The following SPPL2B variants were observed in gnomAD, a reference collection of about 807,000 sequenced individuals.
SPPL2B encodes signal peptide peptidase like 2B.
Under a neutral mutation model 59.7 loss-of-function variants are expected in SPPL2B, and 39 were observed. The ratio of observed to expected loss-of-function variants is 0.65; its 90% CI spans 0.51 to 0.85. The LOEUF (loss-of-function observed/expected upper bound fraction) is 0.85. SPPL2B is among the 40% of genes least tolerant of loss of function. SPPL2B has a pLI of 0.00. For synonymous variants in SPPL2B, 419 were observed against 370.8 expected (o/e 1.13, Z -1.49); for missense variants, 865 against 849.0 (o/e 1.02, Z -0.23).
chr19:2,350,651 C>G (rs777747892), intron 13 of SPPL2B, among the ~76,000 whole-genome samples: 3 of 152,274 alleles, frequency 2.0e-5, no homozygotes, highest in Non-Finnish European at 4.4e-5. Context: ...TGAACACATG[C>G]AGATTTTTTG....
chr19:2,344,177 CT>C lies in SPPL2B; in HGVS notation c.1113+139del, dbSNP rs1969227397. Reference sequence around the variant, plus strand: ...CCCCTCCACCCCACACCGTGCTCCCCTGCCCCCCACCCCATCACCCCGCTCA... The same window carrying C: ...CCCCTCCACCCCACACCGTGCTCCCCGCCCCCCACCCCATCACCCCGCTCA... On this transcript the variant is annotated intron_variant, in intron 10 of 14. Transcript: ENST00000613503. 15 of 516,760 alleles carry C rather than the reference CT, an allele frequency of 2.9e-5. 1 individual carries two copies. Among genetic ancestry groups the C allele is most frequent in the Middle Eastern group, 1.0e-3 (2 of 1,924 alleles). 32.0% of individuals were successfully genotyped at this position (516,760 alleles called of 1,614,324 possible).
At chr19:2,340,378 G>A (rs1968956866) in intron 7 of SPPL2B, 1 of 602,600 alleles carries the variant, frequency 1.7e-6, no homozygotes, top group East Asian at 2.9e-5. Flanking sequence ...CCAGGCGCCA[G>A]GGGTGGCGGG....
In SPPL2B at chr19:2,344,372, G is replaced by C; in HGVS notation, c.1124G>C (p.Ser375Thr). The change falls in exon 11 of 15, where the codon AGC becomes ACC. Residue 375 changes from serine to threonine, a missense_variant. By Grantham distance (58) the Ser-to-Thr change is moderately conservative. Transcript: ENST00000613503. ...ITPFLTKSGS[S>T]IMVEVATGPS... ...CCCCATTCTGTGCAGAGTGGGAGCAGCATCATGGTGGAGGTGGCCACTGGG... is the reference window on the plus strand; with the variant it reads ...CCCCATTCTGTGCAGAGTGGGAGCACCATCATGGTGGAGGTGGCCACTGGG... 2 of 1,440,176 alleles carry C rather than the reference G, an allele frequency of 1.4e-6. No homozygotes were observed. Among genetic ancestry groups the C allele is most frequent in the Non-Finnish European group, 1.9e-6 (2 of 1,079,692 alleles). The allele number at this position is 1,440,176 out of a possible 1,614,324, so 89.2% of individuals were successfully genotyped here. A position where few individuals can be genotyped will look rare whatever the true frequency, so the allele number is the denominator to read the frequency against.
Position 2,337,352 on chromosome 19 carries a change from C to G in SPPL2B, c.187-91C>G. 10 of 1,280,228 alleles carry G rather than the reference C, an allele frequency of 7.8e-6. No homozygotes were observed. In the South Asian group the frequency reaches 8.5e-5, roughly 11 times the overall value. The allele number at this position is 1,280,228 out of a possible 1,614,324, so 79.3% of individuals were successfully genotyped here. ...GCTTTAGGTGAGGGCTGGGATCTAA[C>G]TCAGCGCAGGCTTCAGGTGGGAGAA... is the stretch of plus-strand genomic sequence containing the variant. On this transcript the variant is annotated intron_variant, in intron 2 of 14. Coordinates refer to ENST00000613503, the MANE Select transcript of SPPL2B (RefSeq NM_152988.3).
chr19:2,340,278 C>A, intron 7 of SPPL2B, 106 bp downstream of exon 7: 1 of 908,040 alleles, frequency 1.1e-6, no homozygotes, highest in Non-Finnish European at 1.6e-6. Context: ...TCAGAGTCTA[C>A]AGCAGGCGCT....
chr19:2,351,394 GGCCT>G, intron 13 of SPPL2B, 36 bp from the exon 14 acceptor site: 1 of 1,528,524 alleles, frequency 6.5e-7, no homozygotes, highest in Non-Finnish European at 8.9e-7. Context: ...TGGTGGCCCT[GGCCT>G]GCCTGGCTGA....
At chr19:2,338,459 C>G in intron 3 of SPPL2B, 1 of 318,072 alleles carries the variant, frequency 3.1e-6, no homozygotes, top group South Asian at 4.7e-5. Flanking sequence ...AAGTATCACT[C>G]AGGACTTGTA....
rs1294287077 is a variant in SPPL2B, at chr19:2,348,166, A to G, written c.1354+2836A>G. On this transcript the variant is annotated intron_variant, in intron 13 of 14. Transcript: ENST00000613503. ...ATTCGCTTGATTCCGTTCTCTCTCC[A>G]CACACACTCGCGCTCTCATTCGCTT... Among the ~76,000 whole-genome samples, 4 of 9,240 alleles carry G rather than the reference A, an allele frequency of 4.3e-4. 1 individual carries two copies. The highest frequency in any genetic ancestry group is 1.7e-3 in the Admixed American group (1 of 578). 6.1% of individuals were successfully genotyped at this position (9,240 alleles called of 152,430 possible).
At chr19:2,351,853 C>T (rs1969944755) in intron 14 of SPPL2B, among the ~76,000 whole-genome samples, 1 of 150,236 alleles carries the variant, frequency 6.7e-6, no homozygotes, top group Admixed American at 6.6e-5. Flanking sequence ...CCGGGTGGGG[C>T]CCAGGGGTGC....
Position 2,334,866 on chromosome 19 carries a change from C to T in SPPL2B, c.186+145C>T. The T allele has an allele frequency of 2.7e-6, 3 of 1,128,364 alleles. No individual in the cohort carries two copies. In the South Asian group the frequency reaches 5.0e-5, roughly 19 times the overall value. The allele number at this position is 1,128,364 out of a possible 1,614,324, so 69.9% of individuals were successfully genotyped here. The stretch of plus-strand genomic sequence containing the variant: ...GTCTGGGGGACTCTTAGCTGGCCCC[C>T]AGTTCCCCTGGGCCTCCCCAACCCT... On this transcript the variant is annotated intron_variant, in intron 2 of 14. Coordinates refer to ENST00000613503, the MANE Select transcript of SPPL2B (RefSeq NM_152988.3).
At chr19:2,339,684 G>A (rs148145288) in intron 5 of SPPL2B, 140 bp from the exon 6 acceptor site, 56 of 935,224 alleles carry the variant, frequency 6.0e-5, no homozygotes, top group Middle Eastern at 5.1e-4. Context: ...CGTTCGGGGC[G>A]GTTCCTTGCA....
chr19:2,348,340 C>CCA (rs1367900520), intron 13 of SPPL2B, among the ~76,000 whole-genome samples: 1 of 101,896 alleles, frequency 9.8e-6, no homozygotes, highest in African/African-American at 4.1e-5. Flanking sequence ...GGTTCTCTCT[C>CCA]CACACACACA....
intron 10 of SPPL2B, 50 bp from the exon 11 acceptor site, chr19:2,344,311 TG>T: frequency 1.3e-5 from 2 of 149,092 alleles, no homozygotes; most frequent in Non-Finnish European, 2.5e-5. Context: ...CCCACTCCCC[TG>T]CCCCCCCACC....
At chr19:2,340,793 G>T in intron 7 of SPPL2B, 105 bp from the exon 8 acceptor site, 1 of 643,520 alleles carries the variant, frequency 1.6e-6, no homozygotes, top group Non-Finnish European at 2.7e-6. Flanking sequence ...ACAGAGTGGG[G>T]GCTGCCACTC....
At chr19:2,339,678 C>T (rs531968218) in intron 5 of SPPL2B, 146 bp from the exon 6 acceptor site, 20 of 883,232 alleles carry the variant, frequency 2.3e-5, no homozygotes, top group East Asian at 7.9e-5. Flanking sequence ...TGGGGACGTT[C>T]GGGGCGGTTC....
intron 2 of SPPL2B, 45 bp from the exon 3 acceptor site, chr19:2,337,398 G>A (rs765519836): frequency 4.0e-6 from 6 of 1,518,978 alleles, no homozygotes; most frequent in South Asian, 2.5e-5. Flanking sequence ...GGCCCTCCTG[G>A]TGACTCACAT....
chr19:2,338,908 C>G, intron 4 of SPPL2B, 67 bp downstream of exon 4: 1 of 1,547,130 alleles, frequency 6.5e-7, no homozygotes, highest in Middle Eastern at 1.7e-4. Flanking sequence ...GGCTGGCTGC[C>G]GGGGGGGTTT....
chr19:2,338,561 T>A, intron 3 of SPPL2B, 191 bp from the exon 4 acceptor site: 4 of 541,130 alleles, frequency 7.4e-6, no homozygotes, highest in East Asian at 3.2e-5. Context: ...CTTGATGCCC[T>A]TCGGCCTCCC....
rs769797936 is a variant in SPPL2B, at chr19:2,337,587, G to A, written c.331G>A (p.Gly111Arg). The stretch of plus-strand genomic sequence containing the variant: ...GAAAGTGAGGCTGGCCCAGGGCAGC[G>A]GAGCACGCGGGCTGCTCATCGTCAG... ...YEKVRLAQGSGARGLLIVSRE... is the reference protein window; with the variant it reads ...YEKVRLAQGSRARGLLIVSRE... Residue 111 changes from glycine (G) to arginine (R), a missense_variant, in exon 3 of 15, where the codon GGA becomes AGA. By Grantham distance (125) the Gly-to-Arg change is moderately radical (BLOSUM62 -2). Transcript: ENST00000613503. 15 of 1,601,498 alleles carry A rather than the reference G, an allele frequency of 9.4e-6. No homozygotes were observed. The highest frequency in any genetic ancestry group is 1.7e-5 in the Admixed American group (1 of 59,530).
Sources: allele counts gnomAD v4.1 joint callset (sites outside exome capture counted in the v4.1 genomes callset), GRCh38; gene constraint gnomAD v4.1.1; transcripts MANE v1.5; gene names NCBI Gene and HGNC (gene_info 2026-07-23, HGNC 2026-07-21).